The following PTPN14 variants were observed in gnomAD, a reference collection of about 807,000 sequenced individuals.
The protein encoded by PTPN14 is tyrosine-protein phosphatase non-receptor type 14.
In PTPN14, 53 loss-of-function variants were observed where a neutral mutation model predicts 126.8. The ratio of observed to expected loss-of-function variants is 0.42; its 90% CI spans 0.34 to 0.53. The LOEUF (loss-of-function observed/expected upper bound fraction) is 0.53, where lower values mean the gene tolerates loss of function less well. Ranked by LOEUF, PTPN14 falls within the 20% of genes least tolerant of loss-of-function variation. The probability of loss-of-function intolerance (pLI) is 0.08; values close to 1 mark genes in which losing one functional copy is unlikely to be tolerated. For synonymous variants in PTPN14, 630 were observed against 599.3 expected, an observed-to-expected ratio of 1.05 and a Z score of -0.75; for missense variants, 1,257 against 1,552.9, an observed-to-expected ratio of 0.81 and a Z score of 3.20.
At chr1:214,532,597 C>T in intron 1 of PTPN14, 1 of 968,436 alleles carries the variant, frequency 1.0e-6, no homozygotes, top group Non-Finnish European at 1.7e-6. Flanking sequence ...CCTGAGGGCT[C>T]AGATCTTAGC....
At chr1:214,405,072 C>T (rs1225203217) in intron 5 of PTPN14, among the ~76,000 whole-genome samples, 1 of 152,218 alleles carries the variant, frequency 6.6e-6, no homozygotes, top group Non-Finnish European at 1.5e-5. Context: ...ACACACACTG[C>T]TTTTACATTT....
intron 13 of PTPN14, among the ~76,000 whole-genome samples, chr1:214,382,215 T>C (rs1221154573): frequency 6.6e-6 from 1 of 152,184 alleles, no homozygotes; most frequent in Non-Finnish European, 1.5e-5. Flanking sequence ...TTTTTTAAAG[T>C]AGCTATAATC....
At chr1:214,397,726 G>A (rs1453479983) in intron 8 of PTPN14, among the ~76,000 whole-genome samples, 187 bp downstream of exon 8, 1 of 152,128 alleles carries the variant, frequency 6.6e-6, no homozygotes, top group Non-Finnish European at 1.5e-5. Flanking sequence ...CAGGTGGGAT[G>A]GGTTTCTACG....
At chr1:214,470,465 C>T (rs1358615697) in intron 1 of PTPN14, among the ~76,000 whole-genome samples, 1 of 152,044 alleles carries the variant, frequency 6.6e-6, no homozygotes, top group African/African-American at 2.4e-5. Context: ...CAGACTTCAC[C>T]ATTATGCAAT....
intron 1 of PTPN14, among the ~76,000 whole-genome samples, chr1:214,504,047 T>C (rs1047106166): frequency 2.6e-5 from 4 of 152,142 alleles, no homozygotes; most frequent in African/African-American, 7.2e-5. Context: ...AGAATGGTCA[T>C]AGGAATGCTG....
At chr1:214,431,436 A>G (rs1659795122) in intron 3 of PTPN14, among the ~76,000 whole-genome samples, 1 of 152,232 alleles carries the variant, frequency 6.6e-6, no homozygotes, top group African/African-American at 2.4e-5. Context: ...GCTTCTGTTC[A>G]TGGAGAAACT....
intron 11 of PTPN14, among the ~76,000 whole-genome samples, chr1:214,387,600 CCT>C (rs1189797621): frequency 6.6e-6 from 1 of 151,494 alleles, no homozygotes; most frequent in Non-Finnish European, 1.5e-5. Context: ...AGTCGTTGAA[CCT>C]GGGCGGCGGA....
chr1:214,465,622 C>T (rs11120334), intron 1 of PTPN14, among the ~76,000 whole-genome samples: 139,397 of 152,038 alleles, frequency 0.92, 64,020 homozygotes, highest in African/African-American at 0.97. Context: ...CTGTCTCAAA[C>T]AAAAAAAATT....
chr1:214,362,371 T>A (rs1657976376), intron 18 of PTPN14, among the ~76,000 whole-genome samples: 1 of 152,214 alleles, frequency 6.6e-6, no homozygotes. Context: ...GTTGACCACG[T>A]CCCAGCAAAG....
intron 1 of PTPN14, among the ~76,000 whole-genome samples, chr1:214,488,600 G>A (rs954503389): frequency 6.6e-6 from 1 of 152,098 alleles, no homozygotes; most frequent in Non-Finnish European, 1.5e-5. Flanking sequence ...AGAACATTCA[G>A]GAGCATCATT....
chr1:214,482,771 C>G, intron 1 of PTPN14: 1 of 1,591,976 alleles, frequency 6.3e-7, no homozygotes, highest in Non-Finnish European at 8.6e-7. Context: ...TGACTCTTCC[C>G]CCTGGATTTT....
chr1:214,508,618 C>A (rs760119061), intron 1 of PTPN14, among the ~76,000 whole-genome samples: 1 of 152,144 alleles, frequency 6.6e-6, no homozygotes, highest in Non-Finnish European at 1.5e-5. Flanking sequence ...TTATTTTAAC[C>A]TCCTCTCGTG....
chr1:214,532,419 G>A (rs1488586264), intron 1 of PTPN14: 8 of 733,422 alleles, frequency 1.1e-5, no homozygotes, highest in African/African-American at 3.5e-5. Flanking sequence ...CATCCAGAAC[G>A]AGAAGGAGAC....
intron 3 of PTPN14, among the ~76,000 whole-genome samples, chr1:214,435,151 CT>C (rs1490224974): frequency 6.6e-6 from 1 of 152,108 alleles, no homozygotes; most frequent in East Asian, 1.9e-4. Context: ...TTGATTCCCC[CT>C]CACCTACTTT....
chr1:214,506,914 T>TC (rs35096186), intron 1 of PTPN14, among the ~76,000 whole-genome samples: 17,771 of 151,888 alleles, frequency 0.12, 2,968 homozygotes, highest in African/African-American at 0.37. Context: ...CGCGGGTTTT[T>TC]TTTTTTTTCC....
intron 2 of PTPN14, 150 bp from the exon 3 acceptor site, chr1:214,452,124 T>C: frequency 3.7e-6 from 3 of 816,172 alleles, no homozygotes; most frequent in Non-Finnish European, 5.7e-6. Context: ...TTGGGACTAA[T>C]CAAAAGAAAC....
At chr1:214,453,410 C>T (rs1660312415) in intron 2 of PTPN14, among the ~76,000 whole-genome samples, 1 of 152,222 alleles carries the variant, frequency 6.6e-6, no homozygotes, top group Non-Finnish European at 1.5e-5. Flanking sequence ...TTTGCACTCA[C>T]TGTCTCAGTA....
chr1:214,522,329 T>C (rs946756702), intron 1 of PTPN14, among the ~76,000 whole-genome samples: 2 of 152,170 alleles, frequency 1.3e-5, no homozygotes, highest in African/African-American at 4.8e-5. Context: ...CAATGGAATA[T>C]GGAAACCTAC....
chr1:214,410,298 T>A (rs1417859457), intron 5 of PTPN14, among the ~76,000 whole-genome samples: 1 of 143,584 alleles, frequency 7.0e-6, no homozygotes, highest in African/African-American at 2.9e-5. Context: ...TCTTTTTTTT[T>A]TCTTTTTTTT....
Sources: allele counts gnomAD v4.1 joint callset (sites outside exome capture counted in the v4.1 genomes callset), GRCh38; gene constraint gnomAD v4.1.1; transcripts MANE v1.5; gene names NCBI Gene and HGNC (gene_info 2026-07-23, HGNC 2026-07-21).